The following CCDC110 variants were observed in gnomAD, a reference collection of about 807,000 sequenced individuals.
CCDC110 encodes the protein coiled-coil domain-containing protein 110.
CCDC110 carries 70 observed loss-of-function variants against 77.1 expected under a neutral mutation model. That is an observed-to-expected ratio of 0.91 (90% confidence interval 0.75 to 1.11). CCDC110 has a LOEUF of 1.11. CCDC110 is among the 50% of genes least tolerant of loss of function. CCDC110 has a pLI of 0.00. For synonymous variants in CCDC110, 295 were observed against 312.5 expected (o/e 0.94, Z 0.59); for missense variants, 868 against 942.9 (o/e 0.92, Z 1.04).
Position 185,471,667 on chromosome 4 carries a change from C to T in CCDC110, c.10+7G>A. On this transcript the variant is annotated splice_region_variant and intron_variant, in intron 1 of 6. Coordinates refer to ENST00000307588, the MANE Select transcript of CCDC110 (RefSeq NM_152775.4). ...CCCCTAGGAGCCCCGCCCCGTCCAACTCTTACCCGGGCTCATCGCCGCGGC... is the reference window on the plus strand; with the variant it reads ...CCCCTAGGAGCCCCGCCCCGTCCAATTCTTACCCGGGCTCATCGCCGCGGC... 2 of 1,560,364 alleles carry T rather than the reference C, an allele frequency of 1.3e-6. No individual in the cohort carries two copies. Among genetic ancestry groups the T allele is most frequent in the African/African-American group, 1.4e-5 (1 of 70,508 alleles).
intron 6 of CCDC110, among the ~76,000 whole-genome samples, chr4:185,448,928 C>G (rs2095622996): frequency 1.3e-5 from 2 of 152,040 alleles, no homozygotes. Flanking sequence ...TGAATTTTAT[C>G]TTCCGTTTAG....
rs112563202 is a variant in CCDC110 at position 185,462,243 on chromosome 4, C to T, written c.237+400G>A. On this transcript the variant is annotated intron_variant, in intron 4 of 6. Coordinates refer to ENST00000307588, the MANE Select transcript of CCDC110 (RefSeq NM_152775.4). ...GGATACAGAGTGAGACCTATTTTGACGACACAAGACCTGATCATGTGGACT... is the reference window on the plus strand; with the variant it reads ...GGATACAGAGTGAGACCTATTTTGATGACACAAGACCTGATCATGTGGACT... Among the ~76,000 whole-genome samples the T allele has an allele frequency of 5.0e-3, 767 of 152,288 alleles. 8 individuals carry two copies. The highest frequency in any genetic ancestry group is 0.016 in the African/African-American group (684 of 41,556).
intron 2 of CCDC110, among the ~76,000 whole-genome samples, chr4:185,464,378 A>G (rs1012488384): frequency 4.6e-5 from 7 of 152,044 alleles, no homozygotes; most frequent in Non-Finnish European, 7.4e-5. Flanking sequence ...AGGGAGAGCG[A>G]GTCTGTCTGG....
chr4:185,465,632 T>G (rs2095654172), intron 2 of CCDC110, among the ~76,000 whole-genome samples: 1 of 152,210 alleles, frequency 6.6e-6, no homozygotes, highest in South Asian at 2.1e-4. Context: ...GTTTCCATCA[T>G]GAGAATGATT....
At position 185,459,300 on chromosome 4, in the gene CCDC110, C is replaced by T. The variant is rs1467333251; in HGVS notation, c.1287G>A (p.Gln429=). 2 of 1,613,066 alleles carry T rather than the reference C, an allele frequency of 1.2e-6. No individual in the cohort carries two copies. The highest frequency in any genetic ancestry group is 2.2e-5 in the East Asian group (1 of 44,794). ...SVTEQCVAKI[Q]YLQNYLKESV... is the part of the protein sequence containing the mutation. Reference sequence around the variant, plus strand: ...ATTCTTTTAGGTAATTCTGTAAGTACTGAATTTTTGCAACACACTGCTCAG... The same window carrying T: ...ATTCTTTTAGGTAATTCTGTAAGTATTGAATTTTTGCAACACACTGCTCAG... The change falls in exon 6 of 7, where the codon CAG becomes CAA. Residue 429 remains glutamine, a synonymous_variant. Coordinates refer to ENST00000307588, the MANE Select transcript of CCDC110 (RefSeq NM_152775.4).
intron 2 of CCDC110, chr4:185,470,487 G>T (rs1561172699): frequency 2.9e-6 from 1 of 342,428 alleles, no homozygotes; most frequent in African/African-American, 2.1e-5. Context: ...TTCCATCTGT[G>T]GTTGGTTGAA....
chr4:185,470,829 G>A, intron 2 of CCDC110, 116 bp downstream of exon 2: 1 of 790,894 alleles, frequency 1.3e-6, no homozygotes, highest in Non-Finnish European at 2.3e-6. Context: ...GTGCCGTGGT[G>A]GCTGCTGTCC....
intron 6 of CCDC110, among the ~76,000 whole-genome samples, chr4:185,455,884 C>CA (rs34041481): frequency 0.32 from 47,883 of 147,788 alleles, 8,327 homozygotes; most frequent in African/African-American, 0.48. Flanking sequence ...GACTCCATCT[C>CA]AAAAAAAAAA....
chr4:185,471,412 G>C, intron 1 of CCDC110: 2 of 454,180 alleles, frequency 4.4e-6, no homozygotes, highest in Non-Finnish European at 7.7e-6. Context: ...GGCGGGGCGC[G>C]GCGCTTTCCG....
chr4:185,468,992 C>T lies in CCDC110; in HGVS notation c.115+1953G>A, dbSNP rs1436910743. 3.3e-5 allele frequency among the ~76,000 whole-genome samples: 5 copies of T among 152,148 alleles called. No homozygotes were observed. Among genetic ancestry groups the T allele is most frequent in the East Asian group, 1.9e-4 (1 of 5,198 alleles). On this transcript the variant is annotated intron_variant, in intron 2 of 6. Transcript: ENST00000307588. The surrounding 1 kb of genome is among the most constrained non-coding windows in gnomAD (Gnocchi z 4.5). ...ACAAACGAATGAATGAATGAAAGCT[C>T]GGGTACAACAGGGTGCTGGGAACAA...
chr4:185,455,369 A>G (rs2095634514), intron 6 of CCDC110, among the ~76,000 whole-genome samples: 1 of 152,150 alleles, frequency 6.6e-6, no homozygotes, highest in Non-Finnish European at 1.5e-5. Flanking sequence ...TTATTTAACT[A>G]TTCAGAGTTT....
chr4:185,447,640 G>C (rs1242500284), intron 6 of CCDC110, among the ~76,000 whole-genome samples: 1 of 149,682 alleles, frequency 6.7e-6, no homozygotes, highest in Non-Finnish European at 1.5e-5. Context: ...TATGACATCT[G>C]TATTAAGCCA....
chr4:185,460,320 T>C lies in CCDC110; in HGVS notation c.349-82A>G, dbSNP rs535498661. ...GTACAGATAATATTTTGTGGAGGGT[T>C]TATTTATGTACCCTAAACAAGCATT... On this transcript the variant is annotated intron_variant, in intron 5 of 6. Transcript: ENST00000307588. The C allele has an allele frequency of 1.2e-5, 12 of 1,003,956 alleles. No homozygotes were observed. The South Asian group carries it at 1.9e-4, about 16-fold the overall frequency. 62.2% of individuals were successfully genotyped at this position (1,003,956 alleles called of 1,614,324 possible).
intron 6 of CCDC110, among the ~76,000 whole-genome samples, chr4:185,446,758 T>A (rs1205274883): frequency 1.3e-5 from 2 of 152,218 alleles, no homozygotes; most frequent in Non-Finnish European, 2.9e-5. Flanking sequence ...TTTACTGTAT[T>A]TTATGTACTT....
chr4:185,457,413 G>GTGATC, intron 6 of CCDC110: 1 of 422,382 alleles, frequency 2.4e-6, no homozygotes, highest in Non-Finnish European at 4.7e-6. Context: ...AATCCACTGT[G>GTGATC]TGATCCTCTT....
At position 185,445,228 on chromosome 4, in the gene CCDC110, T is replaced by A. The variant is rs2120413; in HGVS notation, c.*274A>T. On this transcript the variant is annotated 3_prime_UTR_variant, in exon 7 of 7. Coordinates refer to ENST00000307588, the MANE Select transcript of CCDC110 (RefSeq NM_152775.4). ...TATCTTTTATTTATATATACTTTTT[T>A]AAATGACAAATGTGGGTGACTTTAG... is the stretch of plus-strand genomic sequence containing the variant. 3.5e-6 allele frequency: 4 copies of A among 1,129,676 alleles called. No individual in the cohort carries two copies. The highest frequency in any genetic ancestry group is 5.3e-5 in the Admixed American group (2 of 37,468). The allele number at this position is 1,129,676 out of a possible 1,614,324, so 70.0% of individuals were successfully genotyped here. A position where few individuals can be genotyped will look rare whatever the true frequency, so the allele number is the denominator to read the frequency against.
At position 185,461,097 on chromosome 4, in the gene CCDC110, A is replaced by G. The variant is rs775726095; in HGVS notation, c.300T>C (p.Phe100=). ...KSIIEVENPQ[F]SSEKNLVFGT... Reference sequence around the variant, plus strand: ...CAAACACCAGATTTTTTTCTGAGCTAAATTGTGGGTTTTCTACTTCAATAA... The same window carrying G: ...CAAACACCAGATTTTTTTCTGAGCTGAATTGTGGGTTTTCTACTTCAATAA... The change falls in exon 5 of 7, where the codon TTT becomes TTC. Residue 100 remains phenylalanine (F), a synonymous_variant. Coordinates refer to ENST00000307588, the MANE Select transcript of CCDC110 (RefSeq NM_152775.4). 4 of 1,602,250 alleles carry G rather than the reference A, an allele frequency of 2.5e-6. No individual in the cohort carries two copies. Among genetic ancestry groups the G allele is most frequent in the Non-Finnish European group, 3.4e-6 (4 of 1,174,310 alleles).
intron 5 of CCDC110, chr4:185,460,805 G>A: frequency 2.5e-6 from 1 of 396,856 alleles, no homozygotes; most frequent in Non-Finnish European, 4.9e-6. Flanking sequence ...ATTTACTCGG[G>A]AATCTTTCAC....
intron 2 of CCDC110, among the ~76,000 whole-genome samples, chr4:185,469,296 C>G (rs1378152903): frequency 6.6e-6 from 1 of 152,166 alleles, no homozygotes; most frequent in Non-Finnish European, 1.5e-5. Context: ...CCTGGGTGGC[C>G]CCTGACTCAA....
Sources: gnomAD v4.1 joint callset for allele counts (sites outside exome capture counted in the v4.1 genomes callset) on GRCh38, gnomAD v4.1.1 for gene constraint, Gnocchi (gnomAD v3.1) non-coding constraint, MANE v1.5 for transcripts, NCBI Gene and HGNC (gene_info 2026-07-23, HGNC 2026-07-21) for gene names.